TRAPPC9: variants seen among roughly 807,000 people sequenced by gnomAD.
TRAPPC9 encodes trafficking protein particle complex subunit 9.
TRAPPC9 carries 83 observed loss-of-function variants against 124.0 expected under a neutral mutation model. That is an observed-to-expected ratio of 0.67 (90% CI 0.56 to 0.80). TRAPPC9 has a LOEUF of 0.80. TRAPPC9 is among the 30% of genes least tolerant of loss of function. The pLI, the probability that TRAPPC9 is intolerant of heterozygous loss-of-function variation, is 0.00. For synonymous variants in TRAPPC9, 638 were observed against 617.5 expected (o/e 1.03, Z -0.49); for missense variants, 1,302 against 1,508.3 (o/e 0.86, Z 2.27).
chr8:139,956,406 C>A (rs983646690), intron 19 of TRAPPC9, among the ~76,000 whole-genome samples: 1 of 152,148 alleles, frequency 6.6e-6, no homozygotes, highest in South Asian at 2.1e-4. Context: ...TGTGATCCGC[C>A]CACCTCAACC....
chr8:140,087,485 G>A lies in TRAPPC9; in HGVS notation c.2557-63406C>T, dbSNP rs758468951. Among the ~76,000 whole-genome samples, 3 of 152,088 alleles carry A rather than the reference G, an allele frequency of 2.0e-5. No individual in the cohort carries two copies. The highest frequency in any genetic ancestry group is 4.8e-5 in the African/African-American group (2 of 41,410). ...GCCGAACGGTGCTCACACATGACTC[G>A]CCTGAAGAATATGGTTGTGTTTTCC... On this transcript the variant is annotated intron_variant, in intron 17 of 22. Coordinates refer to ENST00000438773, the MANE Select transcript of TRAPPC9 (RefSeq NM_001160372.4). This position sits in a 1 kb window ranked among gnomAD's most constrained non-coding sequence, Gnocchi z 4.6.
intron 9 of TRAPPC9, among the ~76,000 whole-genome samples, chr8:140,323,536 G>A (rs2066655636): frequency 6.6e-6 from 1 of 152,128 alleles, no homozygotes; most frequent in Non-Finnish European, 1.5e-5. Flanking sequence ...GGTATCAGAA[G>A]TAAATTAGAG....
chr8:140,224,727 A>C (rs1448446815), intron 16 of TRAPPC9, among the ~76,000 whole-genome samples: 1 of 152,110 alleles, frequency 6.6e-6, no homozygotes, highest in African/African-American at 2.4e-5. Flanking sequence ...TCCCTCTGAC[A>C]ATCTGATATC....
chr8:139,829,176 T>C (rs1465901952), intron 21 of TRAPPC9, among the ~76,000 whole-genome samples: 1 of 152,228 alleles, frequency 6.6e-6, no homozygotes, highest in African/African-American at 2.4e-5. Context: ...TGTGTGAGAA[T>C]GTGTAAATGT....
chr8:140,038,661 C>A (rs140243946), intron 17 of TRAPPC9, among the ~76,000 whole-genome samples: 2 of 152,316 alleles, frequency 1.3e-5, no homozygotes, highest in South Asian at 2.1e-4. Flanking sequence ...GCAACAACAC[C>A]CAGTGTCAGG....
intron 3 of TRAPPC9, among the ~76,000 whole-genome samples, chr8:140,435,686 G>A (rs958137898): frequency 1.3e-5 from 2 of 152,206 alleles, no homozygotes; most frequent in Non-Finnish European, 2.9e-5. Context: ...ACCAAAGCAA[G>A]ACCAGAATGC....
At chr8:139,786,636 A>C (rs547290412) in intron 21 of TRAPPC9, among the ~76,000 whole-genome samples, 2 of 152,248 alleles carry the variant, frequency 1.3e-5, no homozygotes. Flanking sequence ...TACATTTGTA[A>C]TAAGCCACAA....
At chr8:140,134,267 C>CTTTTTTT (rs61492002) in intron 17 of TRAPPC9, among the ~76,000 whole-genome samples, 2 of 149,750 alleles carry the variant, frequency 1.3e-5, no homozygotes, top group Non-Finnish European at 1.5e-5. Flanking sequence ...TGATTGTCTT[C>CTTTTTTT]TTTTTTTTTT....
At chr8:140,264,213 G>A (rs1268124755) in intron 15 of TRAPPC9, among the ~76,000 whole-genome samples, 2 of 152,120 alleles carry the variant, frequency 1.3e-5, no homozygotes, top group South Asian at 2.1e-4. Flanking sequence ...CGAACCCCTC[G>A]GGTCCTGAGA....
intron 17 of TRAPPC9, among the ~76,000 whole-genome samples, chr8:140,060,537 C>T (rs1842540295): frequency 6.6e-6 from 1 of 152,132 alleles, no homozygotes; most frequent in Non-Finnish European, 1.5e-5. Context: ...TTTGCCATTC[C>T]CCATCCCTAC....
At chr8:140,210,128 G>A (rs192790084) in intron 17 of TRAPPC9, among the ~76,000 whole-genome samples, 42 of 152,320 alleles carry the variant, frequency 2.8e-4, no homozygotes, top group African/African-American at 7.0e-4. Flanking sequence ...CGGCCTGTTC[G>A]GCTGCCTGCC....
rs994441864 is a variant in TRAPPC9 at position 140,122,052 on chromosome 8, C to T, written c.2557-97973G>A. ...CTCTCTCTCTCTCTCTCTCTCTCTC[C>T]CTTTCTCCCTCCCTCTCTCCCTCCT... On this transcript the variant is annotated intron_variant, in intron 17 of 22. Coordinates refer to ENST00000438773, the MANE Select transcript of TRAPPC9 (RefSeq NM_001160372.4). 6.9e-4 allele frequency among the ~76,000 whole-genome samples: 83 copies of T among 120,264 alleles called. 1 individual carries two copies. The highest frequency in any genetic ancestry group is 5.1e-4 in the South Asian group (2 of 3,912). The allele number at this position is 120,264 out of a possible 152,430, so 78.9% of individuals were successfully genotyped here.
upstream of TRAPPC9, chr8:140,458,574 G>A (rs886062731): frequency 1.3e-6 from 2 of 1,561,550 alleles, no homozygotes; most frequent in African/African-American, 1.4e-5. Context: ...TGGCACTCCC[G>A]ACTTTGAGGG....
At chr8:140,273,796 G>T (rs1196778172) in intron 15 of TRAPPC9, among the ~76,000 whole-genome samples, 4 of 152,184 alleles carry the variant, frequency 2.6e-5, no homozygotes, top group African/African-American at 9.7e-5. Context: ...CGACACCTGT[G>T]GCCGATGCTT....
intron 18 of TRAPPC9, among the ~76,000 whole-genome samples, chr8:140,004,052 G>C (rs1838581787): frequency 6.6e-6 from 1 of 152,184 alleles, no homozygotes; most frequent in African/African-American, 2.4e-5. Flanking sequence ...CAGTGACACA[G>C]ACAGATCACA....
At chr8:140,038,721 G>A (rs1841069639) in intron 17 of TRAPPC9, among the ~76,000 whole-genome samples, 1 of 152,222 alleles carries the variant, frequency 6.6e-6, no homozygotes, top group Admixed American at 6.5e-5. Context: ...CGAAGGGAGA[G>A]AGGCAGCTGA....
chr8:140,405,056 ACT>A (rs1235890700), intron 6 of TRAPPC9, among the ~76,000 whole-genome samples: 4 of 152,018 alleles, frequency 2.6e-5, no homozygotes, highest in Non-Finnish European at 4.4e-5. Context: ...ACTTGATGCC[ACT>A]CTTCGGCACA....
In TRAPPC9 at chr8:140,089,600, G is replaced by T. The variant is rs182498975; in HGVS notation, c.2557-65521C>A. Among the ~76,000 whole-genome samples the T allele has an allele frequency of 7.9e-5, 12 of 152,266 alleles. No homozygotes were observed. The East Asian group carries it at 2.3e-3, about 29-fold the overall frequency. Reference sequence around the variant, plus strand: ...CGGATTTTGGAATAGCAGGCAGAGGGCCATGGAGCTGCCTAAGCTGCCTTC... The same window carrying T: ...CGGATTTTGGAATAGCAGGCAGAGGTCCATGGAGCTGCCTAAGCTGCCTTC... On this transcript the variant is annotated intron_variant, in intron 17 of 22. Transcript: ENST00000438773.
chr8:140,291,963 C>T (rs902872718), intron 11 of TRAPPC9, among the ~76,000 whole-genome samples: 3 of 152,184 alleles, frequency 2.0e-5, no homozygotes, highest in Non-Finnish European at 4.4e-5. Flanking sequence ...CAGATGAGGA[C>T]ACAGCCCCAG....
Sources: allele counts gnomAD v4.1 joint callset (sites outside exome capture counted in the v4.1 genomes callset), GRCh38; gene constraint gnomAD v4.1.1; non-coding constraint Gnocchi (gnomAD v3.1); transcripts MANE v1.5; gene names NCBI Gene and HGNC (gene_info 2026-07-23, HGNC 2026-07-21).